The following WWOX variants were observed in gnomAD, a reference collection of about 807,000 sequenced individuals.
WWOX encodes the protein WW domain-containing oxidoreductase.
WWOX carries 69 observed loss-of-function variants against 46.2 expected under a neutral mutation model. The ratio of observed to expected loss-of-function variants is 1.49; its 90% CI spans 1.23 to 1.82. The LOEUF (loss-of-function observed/expected upper bound fraction) is 1.82. WWOX is among the 40% of genes most tolerant of loss of function. The probability of loss-of-function intolerance (pLI) is 0.00; values close to 1 mark genes in which losing one functional copy is unlikely to be tolerated. For synonymous variants in WWOX, 359 were observed against 202.6 expected (o/e 1.77, Z -6.56); for missense variants, 919 against 542.6 (o/e 1.69, Z -6.89).
intron 8 of WWOX, among the ~76,000 whole-genome samples, chr16:78,955,321 G>T (rs1047689329): frequency 3.3e-5 from 5 of 152,160 alleles, no homozygotes; most frequent in African/African-American, 1.2e-4. Flanking sequence ...ATACAACAAC[G>T]TCAGTGAAAT....
chr16:78,329,177 A>T (rs1269220876), intron 5 of WWOX, among the ~76,000 whole-genome samples: 2 of 152,016 alleles, frequency 1.3e-5, no homozygotes, highest in East Asian at 3.9e-4. Context: ...TATATTTTTA[A>T]TTATCATAAG....
chr16:79,154,503 C>CAA (rs67379862), intron 8 of WWOX, among the ~76,000 whole-genome samples: 26 of 88,168 alleles, frequency 2.9e-4, no homozygotes, highest in African/African-American at 4.2e-4. Flanking sequence ...TCCTCTTTTG[C>CAA]AAAAAAAAAA....
chr16:78,235,505 G>A (rs1295899628), intron 5 of WWOX, among the ~76,000 whole-genome samples: 3 of 152,168 alleles, frequency 2.0e-5, no homozygotes, highest in East Asian at 1.9e-4. Flanking sequence ...CCTCCGGACC[G>A]GGTCTGGAGT....
intron 8 of WWOX, among the ~76,000 whole-genome samples, chr16:78,603,097 A>G (rs181890862): frequency 1.1e-3 from 162 of 152,148 alleles, no homozygotes; most frequent in African/African-American, 3.7e-3. Context: ...TTGTTTATTT[A>G]TTTTTCCTTC....
intron 8 of WWOX, among the ~76,000 whole-genome samples, chr16:78,594,429 G>GCCCCCCCCCCCCCCCCCCACCCC (rs138806967): frequency 3.1e-5 from 1 of 32,380 alleles, no homozygotes; most frequent in Non-Finnish European, 5.2e-5. Flanking sequence ...CTGAGGAAAG[G>GCCCCCCCCCCCCCCCCCCACCCC]CCCCCCCCCC....
intron 8 of WWOX, among the ~76,000 whole-genome samples, chr16:79,120,304 T>C (rs574218536): frequency 6.6e-6 from 1 of 152,276 alleles, no homozygotes; most frequent in Admixed American, 6.5e-5. Flanking sequence ...TCTCAAGGTA[T>C]GCTCAAGCTA....
chr16:78,327,181 G>T (rs62034379), intron 5 of WWOX, among the ~76,000 whole-genome samples: 16,753 of 152,140 alleles, frequency 0.11, 1,205 homozygotes, highest in East Asian at 0.24. Flanking sequence ...AAGTGGCAGC[G>T]ATGGGACCAA....
intron 5 of WWOX, among the ~76,000 whole-genome samples, chr16:78,354,433 C>T (rs116580697): frequency 1.7e-3 from 251 of 150,738 alleles, no homozygotes; most frequent in African/African-American, 5.7e-3. Flanking sequence ...CAATGAAGCC[C>T]GTTAATCCGC....
chr16:79,065,774 C>T (rs1299044781), intron 8 of WWOX, among the ~76,000 whole-genome samples: 2 of 152,178 alleles, frequency 1.3e-5, no homozygotes, highest in Non-Finnish European at 2.9e-5. Flanking sequence ...AAATTCTTCC[C>T]AGTGTTACTT....
At chr16:78,517,825 A>C (rs1329745077) in intron 8 of WWOX, among the ~76,000 whole-genome samples, 3 of 138,364 alleles carry the variant, frequency 2.2e-5, no homozygotes, top group Non-Finnish European at 3.1e-5. Context: ...ACAAGAAGTG[A>C]AAAAAAAAAA....
chr16:78,431,543 C>T (rs1781968460), intron 7 of WWOX, among the ~76,000 whole-genome samples: 2 of 152,098 alleles, frequency 1.3e-5, no homozygotes, highest in South Asian at 2.1e-4. Flanking sequence ...TTATTCAAGA[C>T]ACTTTTCTGT....
intron 8 of WWOX, among the ~76,000 whole-genome samples, chr16:79,015,895 C>G (rs537006045): frequency 6.6e-6 from 1 of 152,140 alleles, no homozygotes; most frequent in African/African-American, 2.4e-5. Context: ...GGTACTAAGG[C>G]ATGTGCCACC....
intron 8 of WWOX, among the ~76,000 whole-genome samples, chr16:78,993,263 G>C (rs936040163): frequency 1.3e-5 from 2 of 151,974 alleles, no homozygotes; most frequent in Admixed American, 6.6e-5. Flanking sequence ...TTACTATTTG[G>C]GGGTGGGGGG....
At chr16:78,277,458 T>G (rs1364909126) in intron 5 of WWOX, among the ~76,000 whole-genome samples, 1 of 152,102 alleles carries the variant, frequency 6.6e-6, no homozygotes, top group Non-Finnish European at 1.5e-5. Flanking sequence ...AGTTCTCAAT[T>G]TGGAGCTCAT....
At chr16:78,330,074 T>A (rs1033583766) in intron 5 of WWOX, among the ~76,000 whole-genome samples, 1 of 152,214 alleles carries the variant, frequency 6.6e-6, no homozygotes, top group Admixed American at 6.5e-5. Flanking sequence ...CTTTTTCTAA[T>A]AACCATTGCT....
intron 8 of WWOX, among the ~76,000 whole-genome samples, chr16:78,462,662 G>T (rs2083978971): frequency 6.6e-6 from 1 of 152,188 alleles, no homozygotes; most frequent in South Asian, 2.1e-4. Context: ...TGCCAAGTAG[G>T]AGTAATAGAG....
At chr16:79,152,444 G>T (rs1341174535) in intron 8 of WWOX, among the ~76,000 whole-genome samples, 3 of 152,126 alleles carry the variant, frequency 2.0e-5, no homozygotes, top group Admixed American at 2.0e-4. Context: ...CGATGAGGCG[G>T]GCGGATCACG....
At chr16:79,018,621 C>A (rs966267181) in intron 8 of WWOX, among the ~76,000 whole-genome samples, 1 of 152,098 alleles carries the variant, frequency 6.6e-6, no homozygotes, top group Non-Finnish European at 1.5e-5. Context: ...TAAGACACCA[C>A]CATTTCAAAG....
At chr16:78,268,050 C>G (rs1306041760) in intron 5 of WWOX, among the ~76,000 whole-genome samples, 1 of 152,190 alleles carries the variant, frequency 6.6e-6, no homozygotes, top group Non-Finnish European at 1.5e-5. Flanking sequence ...AACCCCTTGA[C>G]TCAAGCGATC....
Sources: allele counts gnomAD v4.1 joint callset (sites outside exome capture counted in the v4.1 genomes callset), GRCh38; gene constraint gnomAD v4.1.1; transcripts MANE v1.5; gene names NCBI Gene and HGNC (gene_info 2026-07-23, HGNC 2026-07-21).